The following WASHC2C variants were observed in gnomAD, a reference collection of about 807,000 sequenced individuals.
The protein encoded by WASHC2C is WASH complex subunit 2C.
Under a neutral mutation model 142.2 loss-of-function variants are expected in WASHC2C, and 73 were observed. That is an observed-to-expected ratio of 0.51 (90% CI 0.43 to 0.62). The LOEUF (loss-of-function observed/expected upper bound fraction) is 0.62. WASHC2C is among the 20% of genes least tolerant of loss of function. The pLI is 0.00. For missense variants in WASHC2C, 969 were observed against 1,531.7 expected, an observed-to-expected ratio of 0.63 and a Z score of 6.13; for synonymous variants, 337 against 565.5, an observed-to-expected ratio of 0.60 and a Z score of 5.73.
At chr10:45,730,821 G>A (rs1554861957) in intron 3 of WASHC2C, among the ~76,000 whole-genome samples, 3 of 151,884 alleles carry the variant, frequency 2.0e-5, no homozygotes, top group Admixed American at 6.6e-5. Context: ...GGGTTTCACC[G>A]AGTTAGCCAG....
chr10:45,762,808 A>G (rs1554880537), intron 17 of WASHC2C, among the ~76,000 whole-genome samples: 1 of 152,184 alleles, frequency 6.6e-6, no homozygotes, highest in African/African-American at 2.4e-5. Context: ...CAGGAGGCAG[A>G]GGCAGGAGAA....
intron 15 of WASHC2C, 150 bp downstream of exon 15, chr10:45,755,265 A>G (rs1222634945): frequency 1.3e-5 from 18 of 1,379,110 alleles, no homozygotes; most frequent in African/African-American, 1.0e-4. Flanking sequence ...CTGTACTTAC[A>G]TAGGTGTGGT....
At chr10:45,732,955 G>T (rs530214291) in intron 3 of WASHC2C, among the ~76,000 whole-genome samples, 210 of 152,370 alleles carry the variant, frequency 1.4e-3, no homozygotes, top group African/African-American at 4.9e-3. Context: ...CCCTAGACCT[G>T]CTTTATTTTA....
chr10:45,766,091 T>C (rs2055768112), intron 19 of WASHC2C, among the ~76,000 whole-genome samples: 1 of 152,146 alleles, frequency 6.6e-6, no homozygotes, highest in Admixed American at 6.5e-5. Context: ...TTCTCAGCCA[T>C]CGCTAGTTCA....
chr10:45,754,246 A>C (rs1393501901), intron 13 of WASHC2C, among the ~76,000 whole-genome samples: 6 of 152,152 alleles, frequency 3.9e-5, no homozygotes, highest in African/African-American at 1.4e-4. Context: ...CTGTGGCTTG[A>C]TGACGGTCAG....
intron 3 of WASHC2C, among the ~76,000 whole-genome samples, chr10:45,733,998 C>T (rs1325398124): frequency 2.0e-5 from 3 of 151,960 alleles, no homozygotes; most frequent in Non-Finnish European, 2.9e-5. Flanking sequence ...CCGAGGTGGG[C>T]GGATCAGGAG....
Position 45,789,048 on chromosome 10 carries a change from G to A in WASHC2C, c.3265G>A (p.Glu1089Lys). ...GCCACAGCTCAGAGCAGCCAGTGGA[G>A]AAGACAGCACTGAGGAGGCCCTGGC... Reference protein sequence around the residue: ...HRPQLRAASGEDSTEEALAAA... With the variant: ...HRPQLRAASGKDSTEEALAAA... Residue 1089 changes from glutamate to lysine, a missense_variant, in exon 29 of 31, where the codon GAA (glutamate) becomes AAA (lysine). By Grantham distance (56) the Glu-to-Lys change is moderately conservative. Transcript: ENST00000623400. The A allele has an allele frequency of 6.2e-7, 1 of 1,612,070 alleles. No homozygotes were observed. The highest frequency in any genetic ancestry group is 8.5e-7 in the Non-Finnish European group (1 of 1,179,866).
chr10:45,740,960 T>G (rs1230807561), intron 5 of WASHC2C, among the ~76,000 whole-genome samples: 1 of 151,934 alleles, frequency 6.6e-6, no homozygotes, highest in Non-Finnish European at 1.5e-5. Context: ...AACCCTTTTT[T>G]TTTTTTGAGA....
At chr10:45,741,472 C>A (rs1202428786) in intron 5 of WASHC2C, among the ~76,000 whole-genome samples, 1 of 151,454 alleles carries the variant, frequency 6.6e-6, no homozygotes, top group East Asian at 1.9e-4. Flanking sequence ...TTTTTTTTTC[C>A]CCTTGCAGAG....
intron 7 of WASHC2C, among the ~76,000 whole-genome samples, chr10:45,745,705 C>T (rs1220465931): frequency 1.3e-5 from 2 of 151,970 alleles, no homozygotes; most frequent in African/African-American, 2.4e-5. Context: ...TGTGGCACTT[C>T]ATCAATAGTT....
chr10:45,783,649 T>TG (rs1554888619), intron 23 of WASHC2C, among the ~76,000 whole-genome samples: 2 of 152,038 alleles, frequency 1.3e-5, no homozygotes. Flanking sequence ...TTAGTAGAGG[T>TG]GGGGTTTCAC....
chr10:45,749,836 A>AAAAAAAAAATATAG (rs1227809519), intron 8 of WASHC2C, among the ~76,000 whole-genome samples: 1 of 101,780 alleles, frequency 9.8e-6, no homozygotes, highest in Non-Finnish European at 1.8e-5. Context: ...AAAAAAAAAA[A>AAAAAAAAAATATAG]ATATATATAT....
chr10:45,776,081 A>G (rs2057050026), intron 21 of WASHC2C, among the ~76,000 whole-genome samples: 1 of 152,144 alleles, frequency 6.6e-6, no homozygotes, highest in Non-Finnish European at 1.5e-5. Context: ...GAAATTCTTT[A>G]TGCCTTCCAG....
In WASHC2C at chr10:45,788,934, C is replaced by T. The variant is rs2058240299; in HGVS notation, c.3151C>T (p.Gln1051Ter). 6.2e-7 allele frequency: 1 copy of T among 1,611,948 alleles called. No individual in the cohort carries two copies. The highest frequency in any genetic ancestry group is 8.5e-7 in the Non-Finnish European group (1 of 1,179,882). ...QTRAARRLAA[Q>*]ESSEAEDMSV... ...CCGTGCAGCTAGGCGGCTGGCTGCT[C>T]AGGAGTCCAGCGAGGCTGAGGACAT... is the stretch of plus-strand genomic sequence containing the variant. The change falls in exon 29 of 31, where the codon CAG becomes TAG. Residue 1051 changes from glutamine (Q) to a stop codon, truncating the protein, a stop_gained. Coordinates refer to ENST00000623400, the MANE Select transcript of WASHC2C (RefSeq NM_001330074.2). LOFTEE classifies it high-confidence loss of function.
chr10:45,783,264 C>T (rs2057661197), intron 23 of WASHC2C, among the ~76,000 whole-genome samples: 1 of 151,786 alleles, frequency 6.6e-6, no homozygotes, highest in Non-Finnish European at 1.5e-5. Flanking sequence ...GAGCTGCACA[C>T]AGTGAATATG....
At chr10:45,779,254 A>G (rs2135547496) in intron 23 of WASHC2C, 119 bp downstream of exon 23, 1 of 696,544 alleles carries the variant, frequency 1.4e-6, no homozygotes, top group East Asian at 2.7e-5. Context: ...TAGTGTGTTA[A>G]TGATTCTGTG....
At position 45,790,538 on chromosome 10, in the gene WASHC2C, G is replaced by T; in HGVS notation, c.3886+5G>T. 6.2e-7 allele frequency: 1 copy of T among 1,611,926 alleles called. No individual in the cohort carries two copies. Among genetic ancestry groups the T allele is most frequent in the Non-Finnish European group, 8.5e-7 (1 of 1,179,834 alleles). On this transcript the variant is annotated splice_donor_5th_base_variant and intron_variant, in intron 30 of 30. Transcript: ENST00000623400. ...CTATATTTGATGATGATATGGGTAA[G>T]TTTGGTTTTCTACATCTGACCTAGA...
rs527390514 is a variant in WASHC2C at position 45,760,936 on chromosome 10, T to G, written c.1635+1535T>G. Among the ~76,000 whole-genome samples, 24 of 151,856 alleles carry G rather than the reference T, an allele frequency of 1.6e-4. 1 individual carries two copies. In the East Asian group the frequency reaches 2.0e-3, roughly 13 times the overall value. The stretch of plus-strand genomic sequence containing the variant: ...TCCTTAATACCTGTGCTTGGCATGT[T>G]GTAAGCCATCCAGTAATTGTTGATT... On this transcript the variant is annotated intron_variant, in intron 17 of 30. Transcript: ENST00000623400.
At chr10:45,773,892 CAAAAAAAAAAAAA>C (rs71023148) in intron 21 of WASHC2C, among the ~76,000 whole-genome samples, 4 of 31,078 alleles carry the variant, frequency 1.3e-4, no homozygotes, top group African/African-American at 5.3e-4. Context: ...TACTGCAGGC[CAAAAAAAAAAAAA>C]AAAAAAAAAA....
Sources: allele counts gnomAD v4.1 joint callset (sites outside exome capture counted in the v4.1 genomes callset), GRCh38; gene constraint gnomAD v4.1.1; transcripts MANE v1.5; gene names NCBI Gene and HGNC (gene_info 2026-07-23, HGNC 2026-07-21).